The following PI4KB variants were observed in gnomAD, a reference collection of about 807,000 sequenced individuals.
PI4KB encodes the protein PtdIns 4-kinase beta.
Under a neutral mutation model 81.4 loss-of-function variants are expected in PI4KB, and 23 were observed. The ratio of observed to expected loss-of-function variants is 0.28; its 90% CI spans 0.20 to 0.40. The LOEUF is 0.40. Among genes scored for constraint, PI4KB ranks in the 10% least tolerant of loss-of-function variants. PI4KB has a pLI of 1.00. For synonymous variants in PI4KB, 381 were observed against 406.8 expected (o/e 0.94, Z 0.76); for missense variants, 651 against 1,036.6 (o/e 0.63, Z 5.11).
rs1003691319 is a variant in PI4KB, at chr1:151,327,408, G to GCC, written c.-168_-167dup. On this transcript the variant is annotated 5_prime_UTR_variant, in exon 1 of 12. Transcript: ENST00000368873. ...ACAGCGGCCGCGGAGGCTGCACCAGGCCCCGGCTGCGGGGCTGCCCGCGGC... is the reference window on the plus strand; with the variant it reads ...ACAGCGGCCGCGGAGGCTGCACCAGGCCCCCCGGCTGCGGGGCTGCCCGCGGC... The GCC allele has an allele frequency of 7.3e-4, 289 of 397,902 alleles. No individual in the cohort carries two copies. Among genetic ancestry groups the GCC allele is most frequent in the Non-Finnish European group, 8.1e-4 (182 of 225,538 alleles). The allele number at this position is 397,902 out of a possible 1,614,324, so 24.6% of individuals were successfully genotyped here.
At chr1:151,302,995 GTTTT>G (rs775167343) in intron 6 of PI4KB, among the ~76,000 whole-genome samples, 2 of 107,134 alleles carry the variant, frequency 1.9e-5, no homozygotes, top group East Asian at 2.7e-4. Context: ...GTGCTTTCTT[GTTTT>G]TTTTTTTTTT....
At chr1:151,317,139 C>CTT (rs34628896) in intron 1 of PI4KB, among the ~76,000 whole-genome samples, 5,522 of 126,920 alleles carry the variant, frequency 0.044, 212 homozygotes, top group Middle Eastern at 0.07. Context: ...TTTACAAATT[C>CTT]TTTTTTTTTT....
At chr1:151,321,821 C>T (rs997649505) in intron 1 of PI4KB, among the ~76,000 whole-genome samples, 3 of 144,438 alleles carry the variant, frequency 2.1e-5, no homozygotes, top group African/African-American at 7.8e-5. Context: ...TGCAGTGAGC[C>T]GAGATCACAC....
intron 9 of PI4KB, among the ~76,000 whole-genome samples, chr1:151,297,586 G>A (rs1021476723): frequency 6.7e-6 from 1 of 148,924 alleles, no homozygotes; most frequent in Non-Finnish European, 1.5e-5. Context: ...CGTCCAGTCT[G>A]GAGTGCAATG....
At chr1:151,315,447 C>CT in intron 2 of PI4KB, 126 bp downstream of exon 2, 1 of 716,096 alleles carries the variant, frequency 1.4e-6, no homozygotes, top group African/African-American at 1.7e-5. Flanking sequence ...ACATTCCATG[C>CT]TTTTATCAGT....
At position 151,303,635 on chromosome 1, in the gene PI4KB, T is replaced by C; in HGVS notation, c.1426A>G (p.Thr476Ala). Reference protein sequence around the residue: ...ELQVELPEVHTNSCDNISQFS... With the variant: ...ELQVELPEVHANSCDNISQFS... ...TGGGAGATGTTGTCACAGCTGTTGG[T>C]ATGCACTTCGGGGAGCTGGAGAAAG... is the stretch of plus-strand genomic sequence containing the variant. Residue 476 changes from threonine to alanine, a missense_variant, in exon 6 of 12, where the codon ACC becomes GCC. Physicochemically the swap from Thr to Ala is moderately conservative, Grantham distance 58 (BLOSUM62 0). Around this residue, in one of 5 missense-constraint regions of PI4KB, gnomAD observed 246 missense variants for 430.1 expected, o/e 0.57. Transcript: ENST00000368873. 6.2e-7 allele frequency: 1 copy of C among 1,613,464 alleles called. No homozygotes were observed. The highest frequency in any genetic ancestry group is 8.5e-7 in the Non-Finnish European group (1 of 1,179,436).
chr1:151,295,065 G>T (rs775531133), intron 9 of PI4KB, among the ~76,000 whole-genome samples: 1 of 152,240 alleles, frequency 6.6e-6, no homozygotes, highest in Non-Finnish European at 1.5e-5. Flanking sequence ...GTAAAATAGC[G>T]TGGGGGCTTC....
intron 4 of PI4KB, among the ~76,000 whole-genome samples, chr1:151,306,834 T>TG (rs1412620875): frequency 6.6e-6 from 1 of 152,106 alleles, no homozygotes; most frequent in Non-Finnish European, 1.5e-5. Context: ...CCTAGCACTT[T>TG]GGGGGGCCGA....
chr1:151,293,066 A>T, intron 11 of PI4KB, 33 bp from the exon 12 acceptor site: 2 of 1,608,928 alleles, frequency 1.2e-6, no homozygotes. Flanking sequence ...AGGGTCATGG[A>T]TGGACGGGAG....
intron 5 of PI4KB, 104 bp downstream of exon 5, chr1:151,306,032 C>T: frequency 2.3e-6 from 2 of 882,218 alleles, no homozygotes; most frequent in Non-Finnish European, 3.6e-6. Context: ...CATTAGGATA[C>T]TTGCCTTACC....
At chr1:151,296,790 T>A (rs759472937) in intron 9 of PI4KB, among the ~76,000 whole-genome samples, 54 of 150,020 alleles carry the variant, frequency 3.6e-4, no homozygotes, top group East Asian at 2.2e-3. Flanking sequence ...TTTTATTTTT[T>A]TTTTTGAGAT....
At chr1:151,304,179 G>C (rs1695536014) in intron 5 of PI4KB, among the ~76,000 whole-genome samples, 1 of 152,102 alleles carries the variant, frequency 6.6e-6, no homozygotes, top group Non-Finnish European at 1.5e-5. Flanking sequence ...AGTCTCTTCT[G>C]TCCTTCATAC....
At chr1:151,302,568 T>G (rs1359294456) in intron 6 of PI4KB, among the ~76,000 whole-genome samples, 3 of 146,598 alleles carry the variant, frequency 2.0e-5, no homozygotes, top group Non-Finnish European at 4.5e-5. Context: ...TGCATTTTTC[T>G]TTTCTTTTCT....
Position 151,294,093 on chromosome 1 carries a change from G to A in PI4KB, c.2194C>T (p.Leu732=), listed in dbSNP as rs781390418. 3.1e-6 allele frequency: 5 copies of A among 1,614,082 alleles called. No homozygotes were observed. Among genetic ancestry groups the A allele is most frequent in the Admixed American group, 3.3e-5 (2 of 60,014 alleles). Residue 732 remains leucine (L), a synonymous_variant, in exon 11 of 12, where the codon CTG becomes TTG. Transcript: ENST00000368873. ...GCGGCAATCAGCCCTTGCAGCATCA[G>A]CATCTTATAGTAGTTGAACATGTCG... The part of the protein sequence containing the change: ...DGDMFNYYKM[L]MLQGLIAARK...
At chr1:151,298,724 C>T in intron 9 of PI4KB, 84 bp downstream of exon 9, 1 of 1,347,400 alleles carries the variant, frequency 7.4e-7, no homozygotes, top group Non-Finnish European at 1.0e-6. Context: ...CCATGGAGGG[C>T]AGTAATAAGT....
chr1:151,327,030 T>G (rs1323055619), intron 1 of PI4KB, among the ~76,000 whole-genome samples: 1 of 149,646 alleles, frequency 6.7e-6, no homozygotes, highest in South Asian at 2.2e-4. Context: ...CAGGGATGAG[T>G]GAGGGAGGGG....
chr1:151,320,235 A>G (rs1282265933), intron 1 of PI4KB, among the ~76,000 whole-genome samples: 7 of 152,050 alleles, frequency 4.6e-5, no homozygotes, highest in Non-Finnish European at 7.4e-5. Context: ...GGGTTTCACC[A>G]TGTTAGCCAG....
Position 151,294,009 on chromosome 1 carries a change from C to T in PI4KB, c.2269+9G>A. On this transcript the variant is annotated intron_variant, in intron 11 of 11. Coordinates refer to ENST00000368873, the MANE Select transcript of PI4KB (RefSeq NM_001369623.2). ...GGCACTATAGCACCTGACCTCACCC[C>T]AGCCCCACCTTGCTGCATGATCTCC... 3.1e-6 allele frequency: 5 copies of T among 1,614,000 alleles called. No individual in the cohort carries two copies. The highest frequency in any genetic ancestry group is 4.2e-6 in the Non-Finnish European group (5 of 1,179,908).
chr1:151,312,029 T>C (rs1696266544), intron 2 of PI4KB, among the ~76,000 whole-genome samples: 1 of 152,256 alleles, frequency 6.6e-6, no homozygotes, highest in Admixed American at 6.5e-5. Context: ...ACAAACTGCC[T>C]GGGCAGAGTT....
Sources: allele counts gnomAD v4.1 joint callset (sites outside exome capture counted in the v4.1 genomes callset), GRCh38; gene constraint gnomAD v4.1.1; regional missense constraint gnomAD v4.1.1; transcripts MANE v1.5; gene names NCBI Gene and HGNC (gene_info 2026-07-23, HGNC 2026-07-21).